Variants in FBLN1 observed in about 807,000 individuals in gnomAD.
FBLN1 encodes fibulin 1.
FBLN1 carries 34 observed loss-of-function variants against 89.7 expected under a neutral mutation model. The ratio of observed to expected loss-of-function variants is 0.38; its 90% CI spans 0.29 to 0.50. The LOEUF (loss-of-function observed/expected upper bound fraction) is 0.50, where lower values mean the gene tolerates loss of function less well. Ranked by LOEUF, FBLN1 falls within the 20% of genes least tolerant of loss-of-function variation. The pLI, the probability that FBLN1 is intolerant of heterozygous loss-of-function variation, is 0.92. For missense variants in FBLN1, 777 were observed against 988.1 expected (o/e 0.79, Z 2.86); for synonymous variants, 393 against 391.3 (o/e 1.00, Z -0.05).
chr22:45,544,961 C>T (rs933521418), intron 11 of FBLN1, among the ~76,000 whole-genome samples: 1 of 152,234 alleles, frequency 6.6e-6, no homozygotes, highest in Admixed American at 6.5e-5. Flanking sequence ...CAATCGTCCA[C>T]ATTGCCGATG....
At chr22:45,593,703 C>A (rs2089158801) in intron 16 of FBLN1, among the ~76,000 whole-genome samples, 1 of 152,178 alleles carries the variant, frequency 6.6e-6, no homozygotes, top group Admixed American at 6.5e-5. Context: ...CTGCTCTCAC[C>A]CGGAGCCTTC....
In FBLN1 at chr22:45,574,390, A is replaced by T; in HGVS notation, c.1698-121A>T. ...AGAGACCACTGTCGTTCTCTGATGG[A>T]GCTGTCTCTGGGACAGATGCCCCTG... is the stretch of plus-strand genomic sequence containing the variant. On this transcript the variant is annotated intron_variant, in intron 14 of 16. Coordinates refer to ENST00000327858, the MANE Select transcript of FBLN1 (RefSeq NM_006486.3). The surrounding 1 kb of genome is among the most constrained non-coding windows in gnomAD (Gnocchi z 4.1). 1 of 1,042,344 alleles carries T rather than the reference A, an allele frequency of 9.6e-7. No homozygotes were observed. The highest frequency in any genetic ancestry group is 1.5e-6 in the Non-Finnish European group (1 of 688,796). 64.6% of individuals were successfully genotyped at this position (1,042,344 alleles called of 1,614,324 possible).
chr22:45,582,443 G>A (rs1457582225), intron 16 of FBLN1, among the ~76,000 whole-genome samples: 1 of 152,120 alleles, frequency 6.6e-6, no homozygotes, highest in Non-Finnish European at 1.5e-5. Flanking sequence ...GAATGGCGAG[G>A]TCCTGGAGGG....
At chr22:45,524,000 C>T (rs933260979) in intron 2 of FBLN1, among the ~76,000 whole-genome samples, 1 of 152,202 alleles carries the variant, frequency 6.6e-6, no homozygotes, top group Non-Finnish European at 1.5e-5. Flanking sequence ...GCTGGTGGCT[C>T]GCTCTGGCAG....
At chr22:45,560,981 C>T (rs549477204) in intron 14 of FBLN1, among the ~76,000 whole-genome samples, 24 of 152,062 alleles carry the variant, frequency 1.6e-4, no homozygotes, top group Middle Eastern at 3.4e-3. Context: ...TGGGTCGGGG[C>T]GGGGATGTTG....
chr22:45,571,502 G>A (rs1414958958), intron 14 of FBLN1, among the ~76,000 whole-genome samples: 1 of 152,156 alleles, frequency 6.6e-6, no homozygotes, highest in Non-Finnish European at 1.5e-5. Context: ...AATAGGGAGA[G>A]CATATCAAAA....
chr22:45,549,812 C>A lies in FBLN1; in HGVS notation c.1574-680C>A, dbSNP rs1368272933. The stretch of plus-strand genomic sequence containing the variant: ...GCTGCTCCCCCATCTCCAGGGGCCT[C>A]TCAGTGTGGTGCCCCAGGCCCCATC... On this transcript the variant is annotated intron_variant, in intron 13 of 16. Coordinates refer to ENST00000327858, the MANE Select transcript of FBLN1 (RefSeq NM_006486.3). The surrounding 1 kb of genome is among the most constrained non-coding windows in gnomAD (Gnocchi z 5.7). 1.3e-5 allele frequency among the ~76,000 whole-genome samples: 2 copies of A among 152,220 alleles called. No homozygotes were observed. Among genetic ancestry groups the A allele is most frequent in the Non-Finnish European group, 2.9e-5 (2 of 68,044 alleles).
chr22:45,535,129 G>A (rs2088466757), intron 7 of FBLN1, 71 bp from the exon 8 acceptor site: 4 of 1,573,480 alleles, frequency 2.5e-6, no homozygotes, highest in Middle Eastern at 1.7e-4. Context: ...GCTTTCTTGT[G>A]ATTTTAAAGT....
rs1005524822 is a variant in FBLN1 at position 45,561,839 on chromosome 22, G to A, written c.1697+11224G>A. Among the ~76,000 whole-genome samples, 1 of 152,180 alleles carries A rather than the reference G, an allele frequency of 6.6e-6. No individual in the cohort carries two copies. The highest frequency in any genetic ancestry group is 2.4e-5 in the African/African-American group (1 of 41,444). ...AGCCAGTCCGAGTCCCAAAACTGAAGAACTTGGAGTCCGATGTTCAAGGGC... is the reference window on the plus strand; with the variant it reads ...AGCCAGTCCGAGTCCCAAAACTGAAAAACTTGGAGTCCGATGTTCAAGGGC... On this transcript the variant is annotated intron_variant, in intron 14 of 16. Transcript: ENST00000327858. This position sits in a 1 kb window ranked among gnomAD's most constrained non-coding sequence, Gnocchi z 4.7.
At position 45,563,084 on chromosome 22, in the gene FBLN1, G is replaced by A. The variant is rs961201643; in HGVS notation, c.1698-11427G>A. ...CAGCATGCAGCTGGCCATCACCGGC[G>A]GCAATGAGGAGGGCTTTTTCACCAC... On this transcript the variant is annotated intron_variant, in intron 14 of 16. Transcript: ENST00000327858. This position sits in a 1 kb window ranked among gnomAD's most constrained non-coding sequence, Gnocchi z 5.7. The A allele has an allele frequency of 1.9e-6, 3 of 1,613,376 alleles. No individual in the cohort carries two copies. Among genetic ancestry groups the A allele is most frequent in the African/African-American group, 1.3e-5 (1 of 75,004 alleles).
At chr22:45,506,833 C>T (rs916310071) in intron 1 of FBLN1, among the ~76,000 whole-genome samples, 1 of 152,242 alleles carries the variant, frequency 6.6e-6, no homozygotes, top group Non-Finnish European at 1.5e-5. Flanking sequence ...GAGCACTGGG[C>T]ACCTGGTCAG....
Position 45,556,154 on chromosome 22 carries a change from C to T in FBLN1, c.1697+5539C>T, listed in dbSNP as rs2147003083. Among the ~76,000 whole-genome samples the T allele has an allele frequency of 6.6e-6, 1 of 152,288 alleles. No homozygotes were observed. The highest frequency in any genetic ancestry group is 1.9e-4 in the East Asian group (1 of 5,184). On this transcript the variant is annotated intron_variant, in intron 14 of 16. Coordinates refer to ENST00000327858, the MANE Select transcript of FBLN1 (RefSeq NM_006486.3). The surrounding 1 kb of genome is among the most constrained non-coding windows in gnomAD (Gnocchi z 4.6). ...GAGATTACAGGTGTGCACCACCATACCCAGCTAATTTTTCTATTTTAAGTA... is the reference window on the plus strand; with the variant it reads ...GAGATTACAGGTGTGCACCACCATATCCAGCTAATTTTTCTATTTTAAGTA...
rs2088773041 is a variant in FBLN1, at chr22:45,555,272, A to AATATATATATATATATATAAAATGGAAT, written c.1697+4666_1697+4693dup. Reference sequence around the variant, plus strand: ...ACATATATATATATATATAAAATGGAATATATATATATATATATAAAATGG... The same window carrying AATATATATATATATATATAAAATGGAAT: ...ACATATATATATATATATAAAATGGAATATATATATATATATATAAAATGGAATATATATATATATATATATAAAATGG... On this transcript the variant is annotated intron_variant, in intron 14 of 16. Coordinates refer to ENST00000327858, the MANE Select transcript of FBLN1 (RefSeq NM_006486.3). Among the ~76,000 whole-genome samples, 346 of 44,576 alleles carry AATATATATATATATATATAAAATGGAAT rather than the reference A, an allele frequency of 7.8e-3. 3 individuals carry two copies. The highest frequency in any genetic ancestry group is 0.013 in the African/African-American group (312 of 23,892). 29.2% of individuals were successfully genotyped at this position (44,576 alleles called of 152,430 possible). A position where few individuals can be genotyped will look rare whatever the true frequency, so the allele number is the denominator to read the frequency against.
chr22:45,574,478 C>T lies in FBLN1; in HGVS notation c.1698-33C>T. The T allele has an allele frequency of 6.2e-7, 1 of 1,613,814 alleles. No homozygotes were observed. The highest frequency in any genetic ancestry group is 8.5e-7 in the Non-Finnish European group (1 of 1,179,956). The stretch of plus-strand genomic sequence containing the variant: ...CTGTGGGAGCTGCTGTCCCAGCTTC[C>T]CCGTCAGCCTCGTGTGCTGTGGTTC... On this transcript the variant is annotated intron_variant, in intron 14 of 16. Transcript: ENST00000327858. This position sits in a 1 kb window ranked among gnomAD's most constrained non-coding sequence, Gnocchi z 4.1.
At chr22:45,540,536 A>G (rs565643171) in intron 8 of FBLN1, among the ~76,000 whole-genome samples, 8 of 152,220 alleles carry the variant, frequency 5.3e-5, no homozygotes, top group Admixed American at 4.6e-4. Flanking sequence ...TGTCTGAGCA[A>G]GGTTCTCCAA....
chr22:45,514,003 G>A (rs559912573), intron 1 of FBLN1, among the ~76,000 whole-genome samples: 3 of 152,244 alleles, frequency 2.0e-5, no homozygotes, highest in Non-Finnish European at 4.4e-5. Flanking sequence ...ATGTTGGTCA[G>A]GCTGGTCTCG....
chr22:45,507,018 A>G (rs1050334329), intron 1 of FBLN1, among the ~76,000 whole-genome samples: 26 of 152,230 alleles, frequency 1.7e-4, no homozygotes, highest in Admixed American at 5.2e-4. Context: ...ATGATCTCAC[A>G]TGTGGCCCTA....
At chr22:45,596,269 C>T (rs5765523) in intron 16 of FBLN1, among the ~76,000 whole-genome samples, 93,488 of 152,132 alleles carry the variant, frequency 0.61, 29,029 homozygotes, top group African/African-American at 0.68. Context: ...CAGGTCAGTT[C>T]GTATCCTGCA....
At chr22:45,521,741 T>A (rs966881630) in intron 2 of FBLN1, among the ~76,000 whole-genome samples, 1 of 151,784 alleles carries the variant, frequency 6.6e-6, no homozygotes, top group African/African-American at 2.4e-5. Context: ...CCTGGGGAGG[T>A]CAGAGCTCCT....
Sources: gnomAD v4.1 joint callset for allele counts (sites outside exome capture counted in the v4.1 genomes callset) on GRCh38, gnomAD v4.1.1 for gene constraint, Gnocchi (gnomAD v3.1) non-coding constraint, MANE v1.5 for transcripts, NCBI Gene and HGNC (gene_info 2026-07-23, HGNC 2026-07-21) for gene names.